The following SMCHD1 variants were observed in gnomAD, a reference collection of about 807,000 sequenced individuals.
SMCHD1 encodes the protein structural maintenance of chromosomes flexible hinge domain-containing protein 1.
In SMCHD1, 78 loss-of-function variants were observed where a neutral mutation model predicts 254.7. The ratio of observed to expected loss-of-function variants is 0.31; its 90% CI spans 0.26 to 0.37. The LOEUF (loss-of-function observed/expected upper bound fraction) is 0.37. Ranked by LOEUF, SMCHD1 falls within the 10% of genes least tolerant of loss-of-function variation. The pLI is 1.00. For missense variants in SMCHD1, 1,840 were observed against 2,408.1 expected, an observed-to-expected ratio of 0.76 and a Z score of 4.94; for synonymous variants, 766 against 794.9, an observed-to-expected ratio of 0.96 and a Z score of 0.61.
chr18:2,695,482 G>A (rs1170320256), intron 8 of SMCHD1, among the ~76,000 whole-genome samples: 1 of 151,860 alleles, frequency 6.6e-6, no homozygotes, highest in East Asian at 1.9e-4. Context: ...ACTAATTTTT[G>A]TATTTTTAGT....
At chr18:2,731,943 A>G (rs1033700149) in intron 24 of SMCHD1, among the ~76,000 whole-genome samples, 1 of 152,200 alleles carries the variant, frequency 6.6e-6, no homozygotes, top group Non-Finnish European at 1.5e-5. Flanking sequence ...CCCAGAAGGC[A>G]GAGGTTGCAG....
chr18:2,782,510 C>T (rs565128719), intron 44 of SMCHD1, among the ~76,000 whole-genome samples: 1 of 151,754 alleles, frequency 6.6e-6, no homozygotes, highest in East Asian at 1.9e-4. Flanking sequence ...GAGGCCAAGG[C>T]AGGAATATCA....
At chr18:2,661,045 G>C (rs528507368) in intron 1 of SMCHD1, among the ~76,000 whole-genome samples, 1 of 152,266 alleles carries the variant, frequency 6.6e-6, no homozygotes, top group African/African-American at 2.4e-5. Flanking sequence ...GGATGAAGCT[G>C]GAAGCCATCA....
At chr18:2,730,020 C>T (rs995459022) in intron 24 of SMCHD1, among the ~76,000 whole-genome samples, 4 of 152,066 alleles carry the variant, frequency 2.6e-5, no homozygotes, top group Non-Finnish European at 5.9e-5. Flanking sequence ...AGCCATTTTG[C>T]TTTTTATCGT....
chr18:2,732,210 G>A, intron 24 of SMCHD1, 55 bp from the exon 25 acceptor site: 1 of 1,334,960 alleles, frequency 7.5e-7, no homozygotes, highest in South Asian at 1.3e-5. Context: ...TTCTTCAGGA[G>A]TGTAAAATTT....
chr18:2,745,156 G>C (rs1328969221), intron 29 of SMCHD1, among the ~76,000 whole-genome samples: 1 of 110,802 alleles, frequency 9.0e-6, no homozygotes, highest in East Asian at 3.6e-4. Flanking sequence ...ACTTTTAACT[G>C]TTGATGTGAT....
At position 2,700,586 on chromosome 18, in the gene SMCHD1, G is replaced by T. The variant is rs752328609; in HGVS notation, c.1390G>T (p.Ala464Ser). 34 of 1,612,032 alleles carry T rather than the reference G, an allele frequency of 2.1e-5. No individual in the cohort carries two copies. The highest frequency in any genetic ancestry group is 4.4e-5 in the South Asian group (4 of 90,902). ...AGATGATTGTTTCATACTTGAGAAA[G>T]CAGCTAGAGGGAAAAGGCCTATTTT... ...DEDDCFILEK[A>S]ARGKRPIFEC... The change falls in exon 11 of 48, where the codon GCA becomes TCA. Residue 464 changes from alanine to serine, a missense_variant. Ala to Ser is a moderately conservative substitution (Grantham distance 99, BLOSUM62 1). Coordinates refer to ENST00000320876, the MANE Select transcript of SMCHD1 (RefSeq NM_015295.3).
intron 29 of SMCHD1, among the ~76,000 whole-genome samples, chr18:2,744,903 G>T (rs1598396325): frequency 1.3e-5 from 2 of 152,310 alleles, no homozygotes; most frequent in Middle Eastern, 6.8e-3. Context: ...GAATGCATTG[G>T]CACGATCTTG....
intron 44 of SMCHD1, among the ~76,000 whole-genome samples, chr18:2,778,447 A>C (rs2076102033): frequency 6.6e-6 from 1 of 152,214 alleles, no homozygotes; most frequent in African/African-American, 2.4e-5. Flanking sequence ...AAATTGTCTA[A>C]GACTCAAAAC....
intron 17 of SMCHD1, among the ~76,000 whole-genome samples, chr18:2,711,640 G>A (rs2074675664): frequency 1.3e-5 from 2 of 151,106 alleles, no homozygotes; most frequent in South Asian, 2.1e-4. Context: ...CCGCCACTAC[G>A]CCCGGCTAAT....
At chr18:2,708,054 G>A (rs1233736629) in intron 17 of SMCHD1, 134 bp downstream of exon 17, 1 of 494,538 alleles carries the variant, frequency 2.0e-6, no homozygotes, top group Non-Finnish European at 3.5e-6. Flanking sequence ...AGGAATTTCA[G>A]GAATGTTATG....
chr18:2,684,700 A>AGTGTGTGT (rs71365193), intron 5 of SMCHD1, among the ~76,000 whole-genome samples: 36,401 of 115,294 alleles, frequency 0.32, 6,771 homozygotes, highest in South Asian at 0.48. Context: ...TTGCAGATTC[A>AGTGTGTGT]GTGTGTGTGT....
At chr18:2,747,180 A>C (rs1340325152) in intron 29 of SMCHD1, among the ~76,000 whole-genome samples, 1 of 152,232 alleles carries the variant, frequency 6.6e-6, no homozygotes, top group Non-Finnish European at 1.5e-5. Flanking sequence ...TCTAAAGATG[A>C]TTTCAAGTGT....
intron 17 of SMCHD1, among the ~76,000 whole-genome samples, chr18:2,716,602 G>T (rs1429246603): frequency 6.6e-6 from 1 of 152,186 alleles, no homozygotes; most frequent in Admixed American, 6.5e-5. Flanking sequence ...CAGGGCACAA[G>T]CACCAGCCCT....
chr18:2,717,075 C>T (rs965204864), intron 17 of SMCHD1, among the ~76,000 whole-genome samples: 2 of 152,286 alleles, frequency 1.3e-5, no homozygotes, highest in Admixed American at 1.3e-4. Context: ...GTGAGTGCCA[C>T]CTATGCTGGC....
chr18:2,778,688 A>G (rs1246149868), intron 44 of SMCHD1, among the ~76,000 whole-genome samples: 1 of 152,174 alleles, frequency 6.6e-6, no homozygotes, highest in Admixed American at 6.5e-5. Context: ...TTACCTCTAA[A>G]GACTGTGAAT....
intron 5 of SMCHD1, among the ~76,000 whole-genome samples, chr18:2,677,819 A>G (rs1172048086): frequency 1.3e-5 from 2 of 152,066 alleles, no homozygotes; most frequent in South Asian, 2.1e-4. Context: ...GAGTCTCACT[A>G]TGTTGCCCAG....
At chr18:2,699,161 A>G (rs960462287) in intron 10 of SMCHD1, among the ~76,000 whole-genome samples, 1 of 152,100 alleles carries the variant, frequency 6.6e-6, no homozygotes, top group Non-Finnish European at 1.5e-5. Flanking sequence ...CTGTTGGACA[A>G]ACTACTCCCT....
chr18:2,743,910 C>G lies in SMCHD1; in HGVS notation c.3783C>G (p.Asp1261Glu). 6.2e-7 allele frequency: 1 copy of G among 1,611,104 alleles called. No homozygotes were observed. The highest frequency in any genetic ancestry group is 2.2e-5 in the East Asian group (1 of 44,778). Residue 1261 changes from aspartate (D) to glutamate (E), a missense_variant, in exon 29 of 48, where the codon GAC becomes GAG. By Grantham distance (45) the Asp-to-Glu change is conservative. This residue lies in a region of SMCHD1 where 881 missense variants were observed against 1,009.5 expected (regional missense o/e 0.87). Coordinates refer to ENST00000320876, the MANE Select transcript of SMCHD1 (RefSeq NM_015295.3). The stretch of plus-strand genomic sequence containing the variant: ...CTCCTGCTAAACTTCTCCTTATAGA[C>G]TGGCCAGAACTAAAGGAGGTAAGTC... ...SGPPAKLLLI[D>E]WPELKESIPV... is the part of the protein sequence containing the mutation.
Sources: allele counts gnomAD v4.1 joint callset (sites outside exome capture counted in the v4.1 genomes callset), GRCh38; gene constraint gnomAD v4.1.1; regional missense constraint gnomAD v4.1.1; transcripts MANE v1.5; gene names NCBI Gene and HGNC (gene_info 2026-07-23, HGNC 2026-07-21).